The following PAFAH1B1 variants were observed in gnomAD, a reference collection of about 807,000 sequenced individuals.
PAFAH1B1 encodes platelet-activating factor acetylhydrolase IB subunit beta.
PAFAH1B1 carries 2 observed loss-of-function variants against 57.5 expected under a neutral mutation model. The ratio of observed to expected loss-of-function variants is 0.03; its 90% CI spans 0.01 to 0.11. The LOEUF (loss-of-function observed/expected upper bound fraction) is 0.11, where lower values mean the gene tolerates loss of function less well. Ranked by LOEUF, PAFAH1B1 falls within the 10% of genes least tolerant of loss-of-function variation. The probability of loss-of-function intolerance (pLI) is 1.00; values close to 1 mark genes in which losing one functional copy is unlikely to be tolerated. For missense variants in PAFAH1B1, 257 were observed against 512.0 expected (o/e 0.50, Z 4.81); for synonymous variants, 152 against 169.6 (o/e 0.90, Z 0.81).
chr17:2,637,003 A>G (rs1332421252), intron 1 of PAFAH1B1, among the ~76,000 whole-genome samples: 1 of 151,990 alleles, frequency 6.6e-6, no homozygotes, highest in African/African-American at 2.4e-5. Context: ...TTAATTACAT[A>G]TGTGAGCCAC....
chr17:2,593,602 C>G (rs1425596987), upstream of PAFAH1B1: 1 of 211,890 alleles, frequency 4.7e-6, no homozygotes, highest in Non-Finnish European at 9.3e-6. Flanking sequence ...GCGGCGGCGG[C>G]GGCGGCGGCG....
At chr17:2,677,785 C>A (rs138819430) in intron 9 of PAFAH1B1, among the ~76,000 whole-genome samples, 1 of 151,496 alleles carries the variant, frequency 6.6e-6, no homozygotes, top group African/African-American at 2.4e-5. Context: ...ACCCGGGAGG[C>A]GGAGCTTGCA....
rs1302727076 is a variant in PAFAH1B1, at chr17:2,681,793, G to A, written c.1224G>A (p.Glu408=). Residue 408 remains glutamate, a synonymous_variant, in exon 11 of 11, where the codon GAG becomes GAA. Transcript: ENST00000397195. ...GSVDQTVKVW[E]CR is the part of the protein sequence containing the mutation. ...TAGATCAAACAGTAAAAGTGTGGGA[G>A]TGCCGTTGATTGTGTCTCCTTCGGC... The A allele has an allele frequency of 3.1e-6, 5 of 1,611,496 alleles. No individual in the cohort carries two copies. Among genetic ancestry groups the A allele is most frequent in the Non-Finnish European group, 4.2e-6 (5 of 1,179,274 alleles).
chr17:2,661,203 A>G (rs1166492682), intron 2 of PAFAH1B1, among the ~76,000 whole-genome samples: 2 of 151,942 alleles, frequency 1.3e-5, no homozygotes, highest in African/African-American at 4.8e-5. Context: ...TTAGCTTTTG[A>G]TGCAGTTGCT....
intron 1 of PAFAH1B1, among the ~76,000 whole-genome samples, chr17:2,625,567 T>C (rs904020262): frequency 1.3e-5 from 2 of 152,216 alleles, no homozygotes; most frequent in African/African-American, 4.8e-5. Context: ...TGTTGGTTAA[T>C]GTAGATTGTT....
chr17:2,646,173 A>G (rs997838905), intron 2 of PAFAH1B1, among the ~76,000 whole-genome samples: 1 of 152,188 alleles, frequency 6.6e-6, no homozygotes, highest in African/African-American at 2.4e-5. Context: ...CCTTAATAAA[A>G]TAGAAAATAG....
chr17:2,594,110 T>C, intron 1 of PAFAH1B1, 104 bp downstream of exon 1: 1 of 389,448 alleles, frequency 2.6e-6, no homozygotes, highest in Admixed American at 4.5e-5. Context: ...GCCGGTCCCC[T>C]CCCTCCCATT....
intron 1 of PAFAH1B1, among the ~76,000 whole-genome samples, chr17:2,600,837 C>G (rs1469238285): frequency 2.0e-5 from 3 of 151,492 alleles, no homozygotes; most frequent in Admixed American, 6.6e-5. Flanking sequence ...TCAAGCGATT[C>G]TCCTGCTTTA....
intron 5 of PAFAH1B1, among the ~76,000 whole-genome samples, chr17:2,668,799 C>T (rs1400637334): frequency 2.6e-5 from 4 of 152,090 alleles, no homozygotes; most frequent in Admixed American, 6.6e-5. Context: ...CATGGTGAAA[C>T]CCCGTCTCTA....
intron 6 of PAFAH1B1, among the ~76,000 whole-genome samples, chr17:2,671,616 T>A (rs2069184522): frequency 6.8e-6 from 1 of 148,006 alleles, no homozygotes; most frequent in Non-Finnish European, 1.5e-5. Context: ...TTTTTTTTTT[T>A]TCTGGAGATG....
intron 2 of PAFAH1B1, 102 bp from the exon 3 acceptor site, chr17:2,665,269 TG>T (rs2069091196): frequency 1.3e-6 from 1 of 741,578 alleles, no homozygotes; most frequent in Non-Finnish European, 2.4e-6. Flanking sequence ...GGAATACTCT[TG>T]AAAAGAGTAT....
At chr17:2,648,782 A>G (rs2068809086) in intron 2 of PAFAH1B1, among the ~76,000 whole-genome samples, 1 of 152,030 alleles carries the variant, frequency 6.6e-6, no homozygotes, top group Non-Finnish European at 1.5e-5. Flanking sequence ...AACCCTGTAG[A>G]AAATAACAGG....
chr17:2,626,051 AAC>A (rs2068485114), intron 1 of PAFAH1B1, among the ~76,000 whole-genome samples: 1 of 152,152 alleles, frequency 6.6e-6, no homozygotes, highest in Non-Finnish European at 1.5e-5. Flanking sequence ...AGGAGTTGGG[AAC>A]CAGCCTGACC....
Position 2,664,665 on chromosome 17 carries a change from G to GCGCGCTCTCTCTCTCTCTCT in PAFAH1B1, c.33-706_33-705insGCGCTCTCTCTCTCTCTCTC. Among the ~76,000 whole-genome samples, 46 of 86,088 alleles carry GCGCGCTCTCTCTCTCTCTCT rather than the reference G, an allele frequency of 5.3e-4. 1 individual carries two copies. Among genetic ancestry groups the GCGCGCTCTCTCTCTCTCTCT allele is most frequent in the African/African-American group, 8.2e-4 (21 of 25,662 alleles). The allele number at this position is 86,088 out of a possible 152,430, so 56.5% of individuals were successfully genotyped here. The stretch of plus-strand genomic sequence containing the variant: ...TGATATATATCTATATCTATCTATC[G>GCGCGCTCTCTCTCTCTCTCT]CTCTCTCTCTCTCTCTCTCTCTCTC... On this transcript the variant is annotated intron_variant, in intron 2 of 10. Coordinates refer to ENST00000397195, the MANE Select transcript of PAFAH1B1 (RefSeq NM_000430.4).
At chr17:2,646,881 A>T (rs921312048) in intron 2 of PAFAH1B1, among the ~76,000 whole-genome samples, 1 of 152,072 alleles carries the variant, frequency 6.6e-6, no homozygotes, top group Admixed American at 6.6e-5. Flanking sequence ...TTTTTCCGGG[A>T]CATAAAGGTA....
At chr17:2,674,642 T>G (rs1219088473) in intron 8 of PAFAH1B1, among the ~76,000 whole-genome samples, 1 of 152,242 alleles carries the variant, frequency 6.6e-6, no homozygotes, top group Admixed American at 6.5e-5. Flanking sequence ...AAGATAATGA[T>G]TTTATTTATA....
chr17:2,663,414 G>T (rs2069047901), intron 2 of PAFAH1B1, among the ~76,000 whole-genome samples: 1 of 152,088 alleles, frequency 6.6e-6, no homozygotes, highest in African/African-American at 2.4e-5. Flanking sequence ...TTGAGAGAGG[G>T]TCTTGCTCTG....
At chr17:2,615,602 G>A (rs1041925130) in intron 1 of PAFAH1B1, among the ~76,000 whole-genome samples, 3 of 151,882 alleles carry the variant, frequency 2.0e-5, no homozygotes, top group Non-Finnish European at 4.4e-5. Flanking sequence ...CACCGCGCCT[G>A]GCTAATTTTT....
chr17:2,672,937 G>A (rs374418956), intron 7 of PAFAH1B1, among the ~76,000 whole-genome samples, 180 bp downstream of exon 7: 41 of 151,978 alleles, frequency 2.7e-4, no homozygotes, highest in East Asian at 7.8e-4. Flanking sequence ...GTGTGGTGGC[G>A]CACACCTGTA....
Sources: gnomAD v4.1 joint callset for allele counts (sites outside exome capture counted in the v4.1 genomes callset) on GRCh38, gnomAD v4.1.1 for gene constraint, MANE v1.5 for transcripts, NCBI Gene and HGNC (gene_info 2026-07-23, HGNC 2026-07-21) for gene names.